PCDH9: variants seen among roughly 807,000 people sequenced by gnomAD.
PCDH9 encodes protocadherin 9.
A neutral mutation model predicts 70.6 loss-of-function variants in PCDH9; 24 were observed. The ratio of observed to expected loss-of-function variants is 0.34; its 90% CI spans 0.25 to 0.48. PCDH9 has a LOEUF of 0.48. Among genes scored for constraint, PCDH9 ranks in the 20% least tolerant of loss-of-function variants. The pLI is 0.99. For synonymous variants in PCDH9, 562 were observed against 558.5 expected (o/e 1.01, Z -0.09); for missense variants, 1,281 against 1,503.6 (o/e 0.85, Z 2.45).
chr13:66,789,239 T>C (rs1413616664), intron 3 of PCDH9, among the ~76,000 whole-genome samples: 1 of 152,142 alleles, frequency 6.6e-6, no homozygotes, highest in East Asian at 1.9e-4. Context: ...TGTGACAAAA[T>C]TGAGATGTGA....
At chr13:66,405,462 C>T (rs1234017739) in intron 4 of PCDH9, among the ~76,000 whole-genome samples, 2 of 152,094 alleles carry the variant, frequency 1.3e-5, no homozygotes, top group Non-Finnish European at 2.9e-5. Flanking sequence ...TATATGGGCA[C>T]CGACCAAAGG....
intron 3 of PCDH9, among the ~76,000 whole-genome samples, chr13:66,634,406 C>T (rs893738940): frequency 6.6e-6 from 1 of 152,124 alleles, no homozygotes; most frequent in African/African-American, 2.4e-5. Flanking sequence ...AATAAATTGA[C>T]ATGCAGAAAA....
intron 4 of PCDH9, among the ~76,000 whole-genome samples, chr13:66,335,624 G>A (rs549904837): frequency 2.0e-5 from 3 of 152,118 alleles, no homozygotes; most frequent in Non-Finnish European, 2.9e-5. Flanking sequence ...ATAAAAGAAC[G>A]GAGCTAATAA....
intron 3 of PCDH9, among the ~76,000 whole-genome samples, chr13:66,726,913 A>G (rs971927809): frequency 6.6e-6 from 1 of 152,118 alleles, no homozygotes; most frequent in African/African-American, 2.4e-5. Flanking sequence ...TTATTAGCCT[A>G]CTTGCTTGCC....
At chr13:67,200,550 T>C (rs1361273461) in intron 2 of PCDH9, among the ~76,000 whole-genome samples, 1 of 152,102 alleles carries the variant, frequency 6.6e-6, no homozygotes, top group Non-Finnish European at 1.5e-5. Context: ...AGTCTAGCTT[T>C]ACCATTTTTC....
intron 2 of PCDH9, among the ~76,000 whole-genome samples, chr13:67,033,342 T>C (rs1023582155): frequency 2.6e-5 from 4 of 152,064 alleles, no homozygotes; most frequent in African/African-American, 9.7e-5. Flanking sequence ...AAAAAGAAAA[T>C]TTACCTATTG....
intron 3 of PCDH9, among the ~76,000 whole-genome samples, chr13:66,818,131 T>C (rs2139374535): frequency 6.6e-6 from 1 of 152,326 alleles, no homozygotes; most frequent in South Asian, 2.1e-4. Context: ...AAATTTTTTA[T>C]CGAGGTTTGA....
chr13:66,655,205 A>G (rs888970105), intron 3 of PCDH9, among the ~76,000 whole-genome samples: 1 of 152,122 alleles, frequency 6.6e-6, no homozygotes, highest in Non-Finnish European at 1.5e-5. Context: ...AATTTCAACC[A>G]TGAAAAACAG....
At chr13:66,774,291 G>A (rs1594041531) in intron 3 of PCDH9, among the ~76,000 whole-genome samples, 2 of 152,200 alleles carry the variant, frequency 1.3e-5, no homozygotes, top group East Asian at 3.9e-4. Context: ...GGAATAAAAA[G>A]CCACCTTGCA....
intron 3 of PCDH9, among the ~76,000 whole-genome samples, chr13:66,670,802 C>T (rs753897595): frequency 7.9e-5 from 12 of 151,162 alleles, no homozygotes; most frequent in Non-Finnish European, 1.2e-4. Flanking sequence ...GTCCTAAGCC[C>T]GAGTATCTGT....
At chr13:66,342,535 A>C (rs1352783339) in intron 4 of PCDH9, among the ~76,000 whole-genome samples, 1 of 152,184 alleles carries the variant, frequency 6.6e-6, no homozygotes, top group Non-Finnish European at 1.5e-5. Flanking sequence ...GAGAAAGTTT[A>C]TGAAACTTGA....
At chr13:66,663,092 T>C (rs2078038839) in intron 3 of PCDH9, among the ~76,000 whole-genome samples, 1 of 152,146 alleles carries the variant, frequency 6.6e-6, no homozygotes, top group South Asian at 2.1e-4. Context: ...ACAGCTTAAA[T>C]GATGTGAAGG....
chr13:66,733,752 A>T (rs2079107383), intron 3 of PCDH9, among the ~76,000 whole-genome samples: 1 of 150,970 alleles, frequency 6.6e-6, no homozygotes, highest in Admixed American at 6.6e-5. Context: ...TATAATATTG[A>T]CTATTAAAGA....
intron 3 of PCDH9, among the ~76,000 whole-genome samples, chr13:66,669,052 A>G (rs2078135704): frequency 6.6e-6 from 1 of 152,112 alleles, no homozygotes; most frequent in African/African-American, 2.4e-5. Flanking sequence ...ACTTGACCTC[A>G]TTGAATCTAT....
intron 2 of PCDH9, chr13:67,204,078 T>A (rs1052663022): frequency 6.6e-6 from 1 of 152,134 alleles, no homozygotes; most frequent in African/African-American, 2.4e-5. Context: ...TGATTACATA[T>A]AAGGCTGGTT....
At chr13:67,019,365 T>C (rs2084629665) in intron 2 of PCDH9, among the ~76,000 whole-genome samples, 1 of 151,760 alleles carries the variant, frequency 6.6e-6, no homozygotes, top group Non-Finnish European at 1.5e-5. Flanking sequence ...GGCTGATTTT[T>C]TTTGTGTATT....
intron 4 of PCDH9, among the ~76,000 whole-genome samples, chr13:66,519,117 A>G (rs190447410): frequency 6.6e-6 from 1 of 152,280 alleles, no homozygotes; most frequent in East Asian, 1.9e-4. Flanking sequence ...AACTGAACAC[A>G]TGAGCTGTAT....
chr13:67,082,429 T>A (rs2086004404), intron 2 of PCDH9, among the ~76,000 whole-genome samples: 1 of 152,220 alleles, frequency 6.6e-6, no homozygotes, highest in Admixed American at 6.5e-5. Context: ...TTCCTTTCTT[T>A]TCAAGGCTGA....
At chr13:67,023,974 GA>G (rs77342518) in intron 2 of PCDH9, among the ~76,000 whole-genome samples, 14,447 of 147,488 alleles carry the variant, frequency 0.098, 766 homozygotes, top group Non-Finnish European at 0.12. Context: ...AAAGATGGAA[GA>G]AAAAAAAAAG....
Sources: gnomAD v4.1 joint callset for allele counts (sites outside exome capture counted in the v4.1 genomes callset) on GRCh38, gnomAD v4.1.1 for gene constraint, MANE v1.5 for transcripts, NCBI Gene and HGNC (gene_info 2026-07-23, HGNC 2026-07-21) for gene names.